Variants in UBA2 observed in about 807,000 individuals in gnomAD.
UBA2 encodes ubiquitin like modifier activating enzyme 2, also known as SUMO-activating enzyme subunit 2.
In UBA2, 11 loss-of-function variants were observed where a neutral mutation model predicts 77.2. The observed-to-expected ratio is 0.14, with a 90% CI of 0.09 to 0.24. The LOEUF (loss-of-function observed/expected upper bound fraction) is 0.24, where lower values mean the gene tolerates loss of function less well. Ranked by LOEUF, UBA2 falls within the 10% of genes least tolerant of loss-of-function variation. The probability of loss-of-function intolerance (pLI) is 1.00; values close to 1 mark genes in which losing one functional copy is unlikely to be tolerated. For missense variants in UBA2, 487 were observed against 781.7 expected (o/e 0.62, Z 4.50); for synonymous variants, 278 against 276.7 (o/e 1.00, Z -0.05).
intron 12 of UBA2, among the ~76,000 whole-genome samples, chr19:34,458,071 GGA>G (rs1418906685): frequency 6.6e-6 from 1 of 152,168 alleles, no homozygotes; most frequent in African/African-American, 2.4e-5. Flanking sequence ...GGTCTTGTCA[GGA>G]GATTGCTTGC....
chr19:34,448,000 A>G (rs1441982541), intron 8 of UBA2, among the ~76,000 whole-genome samples: 2 of 152,198 alleles, frequency 1.3e-5, no homozygotes, highest in Admixed American at 6.5e-5. Context: ...GTGGAAAAAG[A>G]TGACTGGAGA....
chr19:34,459,334 C>T (rs1568383073), intron 13 of UBA2, among the ~76,000 whole-genome samples: 1 of 152,316 alleles, frequency 6.6e-6, no homozygotes, highest in East Asian at 1.9e-4. Flanking sequence ...AGCAAAGCCC[C>T]AGTTACCAGC....
chr19:34,446,674 A>G (rs567486162), intron 8 of UBA2, among the ~76,000 whole-genome samples: 1 of 148,598 alleles, frequency 6.7e-6, no homozygotes, highest in East Asian at 2.0e-4. Context: ...CAGTGGCATG[A>G]TCTCAGCTTG....
In UBA2 at chr19:34,457,819, T is replaced by C. The variant is rs562429573; in HGVS notation, c.1246-950T>C. 9.8e-5 allele frequency among the ~76,000 whole-genome samples: 15 copies of C among 152,364 alleles called. No homozygotes were observed. The South Asian group carries it at 1.7e-3, about 17-fold the overall frequency. Reference sequence around the variant, plus strand: ...GATCTTGCTAGTGTTTTCTAAACTTTAGTAGAAGCAGGAGCTTGGAGCTTT... The same window carrying C: ...GATCTTGCTAGTGTTTTCTAAACTTCAGTAGAAGCAGGAGCTTGGAGCTTT... On this transcript the variant is annotated intron_variant, in intron 12 of 16. Transcript: ENST00000246548.
Position 34,438,641 on chromosome 19 carries a change from A to G in UBA2, c.460-4A>G. 5 of 1,613,858 alleles carry G rather than the reference A, an allele frequency of 3.1e-6. No homozygotes were observed. The highest frequency in any genetic ancestry group is 3.4e-6 in the Non-Finnish European group (4 of 1,179,916). Reference sequence around the variant, plus strand: ...TAAATTTTTCTCATATCCTGACTTCATAGGGTGTGACCGAGTGTTATGAGT... The same window carrying G: ...TAAATTTTTCTCATATCCTGACTTCGTAGGGTGTGACCGAGTGTTATGAGT... On this transcript the variant is annotated splice_polypyrimidine_tract_variant and splice_region_variant and intron_variant, in intron 5 of 16. Coordinates refer to ENST00000246548, the MANE Select transcript of UBA2 (RefSeq NM_005499.3).
chr19:34,463,090 C>G (rs998381822), intron 14 of UBA2, among the ~76,000 whole-genome samples: 13 of 149,280 alleles, frequency 8.7e-5, no homozygotes, highest in African/African-American at 1.2e-4. Flanking sequence ...GAGTGAGACT[C>G]TGTCTCAAAA....
At position 34,465,710 on chromosome 19, in the gene UBA2, T is replaced by C. The variant is rs542131786; in HGVS notation, c.1605-1168T>C. Among the ~76,000 whole-genome samples the C allele has an allele frequency of 4.6e-4, 69 of 151,296 alleles. 1 individual carries two copies. In the Middle Eastern group the frequency reaches 0.011, roughly 23 times the overall value. ...AGTAGTGTATTTCACAGTTAGATAA[T>C]GGAGTCAAAGTGGTCCTGCTTCAGT... is the stretch of plus-strand genomic sequence containing the variant. On this transcript the variant is annotated intron_variant, in intron 15 of 16. Coordinates refer to ENST00000246548, the MANE Select transcript of UBA2 (RefSeq NM_005499.3).
intron 8 of UBA2, among the ~76,000 whole-genome samples, chr19:34,448,136 C>G (rs1374531962): frequency 6.6e-6 from 1 of 152,144 alleles, no homozygotes; most frequent in Non-Finnish European, 1.5e-5. Context: ...GATGCACATA[C>G]TACCCTAGGA....
chr19:34,453,688 G>A lies in UBA2; in HGVS notation c.1039-572G>A, dbSNP rs572888489. Among the ~76,000 whole-genome samples, 3 of 151,980 alleles carry A rather than the reference G, an allele frequency of 2.0e-5. No individual in the cohort carries two copies. In the South Asian group the frequency reaches 6.3e-4, roughly 32 times the overall value. ...ACTTTAGGTGTGCGCCACCATGCCTGGCTAATTTTTTGTGTTTTTGGTGGA... is the reference window on the plus strand; with the variant it reads ...ACTTTAGGTGTGCGCCACCATGCCTAGCTAATTTTTTGTGTTTTTGGTGGA... On this transcript the variant is annotated intron_variant, in intron 10 of 16. Coordinates refer to ENST00000246548, the MANE Select transcript of UBA2 (RefSeq NM_005499.3).
Position 34,435,379 on chromosome 19 carries a change from C to G in UBA2, c.459+411C>G, listed in dbSNP as rs1312191344. Among the ~76,000 whole-genome samples the G allele has an allele frequency of 2.0e-5, 3 of 152,150 alleles. No individual in the cohort carries two copies. The East Asian group carries it at 5.8e-4, about 29-fold the overall frequency. On this transcript the variant is annotated intron_variant, in intron 5 of 16. Coordinates refer to ENST00000246548, the MANE Select transcript of UBA2 (RefSeq NM_005499.3). ...CACCACTGCCCTCCAGCCTGGGCTACAGATCAAGCCTCTGTCTCAAAAAAC... is the reference window on the plus strand; with the variant it reads ...CACCACTGCCCTCCAGCCTGGGCTAGAGATCAAGCCTCTGTCTCAAAAAAC...
At position 34,450,352 on chromosome 19, in the gene UBA2, G is replaced by C. The variant is rs778617351; in HGVS notation, c.859G>C (p.Val287Leu). ...TCCAGTTCCGTTGGACTGGGCTGAA[G>C]TACAAAGTCAAGGTAAAGAATACAT... ...KPPVPLDWAE[V>L]QSQGEETNAS... Residue 287 changes from valine (V) to leucine (L), a missense_variant, in exon 9 of 17, where the codon GTA becomes CTA. Val to Leu is a conservative substitution (Grantham distance 32, BLOSUM62 1). This residue lies in a region of UBA2 where 300 missense variants were observed against 454.3 expected (regional missense o/e 0.66). Transcript: ENST00000246548. The C allele has an allele frequency of 6.9e-6, 11 of 1,601,106 alleles. No individual in the cohort carries two copies. In the East Asian group the frequency reaches 2.2e-4, roughly 33 times the overall value.
chr19:34,437,445 A>G (rs2075321562), intron 5 of UBA2, among the ~76,000 whole-genome samples: 1 of 151,164 alleles, frequency 6.6e-6, no homozygotes. Context: ...CCCCATCTCT[A>G]CTAAAAATAC....
chr19:34,468,933 T>G, intron 16 of UBA2, 107 bp from the exon 17 acceptor site: 3 of 833,240 alleles, frequency 3.6e-6, no homozygotes, highest in Non-Finnish European at 5.3e-6. Flanking sequence ...CATTCTTAAG[T>G]CTGGTGTGTA....
chr19:34,446,608 C>T (rs201763124), intron 8 of UBA2, among the ~76,000 whole-genome samples: 57 of 145,166 alleles, frequency 3.9e-4, no homozygotes, highest in African/African-American at 1.3e-3. Context: ...TTTTTTTTTT[C>T]TTTCTTTTTT....
rs542794869 is a variant in UBA2 at position 34,441,128 on chromosome 19, C to T, written c.581+2362C>T. ...GCATTTGGTAAAATTTAGCAAATGG[C>T]CTTTCATGATGAAAGTTTCTACTAA... On this transcript the variant is annotated intron_variant, in intron 6 of 16. Coordinates refer to ENST00000246548, the MANE Select transcript of UBA2 (RefSeq NM_005499.3). Among the ~76,000 whole-genome samples the T allele has an allele frequency of 8.5e-5, 13 of 152,074 alleles. No homozygotes were observed. In the East Asian group the frequency reaches 2.3e-3, roughly 27 times the overall value.
intron 4 of UBA2, 142 bp downstream of exon 4, chr19:34,433,554 A>G (rs2075277870): frequency 3.1e-6 from 2 of 640,064 alleles, no homozygotes; most frequent in African/African-American, 1.8e-5. Flanking sequence ...AAGCATGCCC[A>G]TTGATTGCAG....
chr19:34,466,822 G>A, intron 15 of UBA2, 56 bp from the exon 16 acceptor site: 1 of 1,535,358 alleles, frequency 6.5e-7, no homozygotes, highest in Non-Finnish European at 9.0e-7. Context: ...GGATTTCTCT[G>A]GTGCTCCTTT....
At chr19:34,464,238 A>G in intron 15 of UBA2, 107 bp downstream of exon 15, 1 of 748,596 alleles carries the variant, frequency 1.3e-6, no homozygotes, top group Non-Finnish European at 2.2e-6. Context: ...TGTTCATTTG[A>G]AACTGTATAG....
rs1376596026 is a variant in UBA2 at position 34,457,178 on chromosome 19, AAATATATATATATATATATAT to A, written c.1246-1589_1246-1569del. ...ACCTGGTCTCTACTAAAAAAAAAAAAAATATATATATATATATATATATATATATATATATAAAATTAGCTG... is the reference window on the plus strand; with the variant it reads ...ACCTGGTCTCTACTAAAAAAAAAAAAATATATATATATATAAAATTAGCTG... On this transcript the variant is annotated intron_variant, in intron 12 of 16. Transcript: ENST00000246548. Among the ~76,000 whole-genome samples the A allele has an allele frequency of 8.9e-5, 8 of 89,740 alleles. No homozygotes were observed. In the South Asian group the frequency reaches 1.4e-3, roughly 16 times the overall value. The allele number at this position is 89,740 out of a possible 152,430, so 58.9% of individuals were successfully genotyped here. A position where few individuals can be genotyped will look rare whatever the true frequency, so the allele number is the denominator to read the frequency against.
Sources: gnomAD v4.1 joint callset for allele counts (sites outside exome capture counted in the v4.1 genomes callset) on GRCh38, gnomAD v4.1.1 for gene constraint, gnomAD v4.1.1 regional missense constraint, MANE v1.5 for transcripts, NCBI Gene and HGNC (gene_info 2026-07-23, HGNC 2026-07-21) for gene names.